CEP192: variants seen among roughly 807,000 people sequenced by gnomAD.
CEP192 encodes centrosomal protein of 192 kDa.
CEP192 carries 151 observed loss-of-function variants against 271.8 expected under a neutral mutation model. The observed-to-expected ratio is 0.56, with a 90% confidence interval of 0.49 to 0.64. The LOEUF is 0.64. Ranked by LOEUF, CEP192 falls within the 30% of genes least tolerant of loss-of-function variation. The probability of loss-of-function intolerance (pLI) is 0.00; values close to 1 mark genes in which losing one functional copy is unlikely to be tolerated. For missense variants in CEP192, 2,910 were observed against 3,020.5 expected, an observed-to-expected ratio of 0.96 and a Z score of 0.86; for synonymous variants, 995 against 1,076.5, an observed-to-expected ratio of 0.92 and a Z score of 1.48.
At chr18:13,025,668 A>G (rs761501748) in intron 9 of CEP192, among the ~76,000 whole-genome samples, 5 of 152,332 alleles carry the variant, frequency 3.3e-5, no homozygotes, top group South Asian at 2.1e-4. Context: ...TTCAGATAAC[A>G]TTACACTGCT....
chr18:13,060,621 T>C (rs1391519142), intron 21 of CEP192, among the ~76,000 whole-genome samples: 3 of 152,212 alleles, frequency 2.0e-5, no homozygotes, highest in Non-Finnish European at 2.9e-5. Context: ...CATGTGACTT[T>C]AATTAAAAAT....
In CEP192 at chr18:13,092,490, C is replaced by CTGAA. The variant is rs770579719; in HGVS notation, c.6218_6219insGAAT (p.Gln2074AsnfsTer8). 6.2e-7 allele frequency: 1 copy of CTGAA among 1,607,940 alleles called. No individual in the cohort carries two copies. The highest frequency in any genetic ancestry group is 1.3e-5 in the African/African-American group (1 of 74,734). On this transcript the variant is annotated frameshift_variant, in exon 34 of 45. Transcript: ENST00000506447. LOFTEE classifies it high-confidence loss of function. ...AGATTGCATTTCTAGCAGAGAATTCCTTCAGCCTTCTTCCAAAGCTAGCTT... is the reference window on the plus strand; with the variant it reads ...AGATTGCATTTCTAGCAGAGAATTCCTGAATTCAGCCTTCTTCCAAAGCTAGCTT...
Position 13,092,460 on chromosome 18 carries a change from T to A in CEP192, c.6187T>A (p.Phe2063Ile). Residue 2063 changes from phenylalanine to isoleucine, a missense_variant, in exon 34 of 45, where the codon TTC (phenylalanine) becomes ATC (isoleucine). By Grantham distance (21) the Phe-to-Ile change is conservative (BLOSUM62 0). Transcript: ENST00000506447. ...CKIILSVIGE[F>I]RDCISSREFL... ...AATTATACTTTCAGTAATTGGAGAA[T>A]TCAGAGATTGCATTTCTAGCAGAGA... 3.1e-6 allele frequency: 5 copies of A among 1,608,992 alleles called. No individual in the cohort carries two copies. The highest frequency in any genetic ancestry group is 4.3e-6 in the Non-Finnish European group (5 of 1,176,374).
chr18:13,095,789 G>A, intron 35 of CEP192, 108 bp downstream of exon 35: 1 of 944,854 alleles, frequency 1.1e-6, no homozygotes, highest in Non-Finnish European at 1.6e-6. Flanking sequence ...TGCACATTGA[G>A]CTGTGACTTG....
In CEP192 at chr18:13,029,693, A is replaced by T. The variant is rs1456961018; in HGVS notation, c.1081A>T (p.Thr361Ser). ...TGCAAGTAAAGATGTTCTGGTGAAG[A>T]CCCTCAGGGCTATTGATGTGAAACT... is the stretch of plus-strand genomic sequence containing the variant. The part of the protein sequence containing the change: ...ECASKDVLVK[T>S]LRAIDVKLNS... The change falls in exon 10 of 45, where the codon ACC (threonine) becomes TCC (serine). Residue 361 changes from threonine to serine, a missense_variant. Coordinates refer to ENST00000506447, the MANE Select transcript of CEP192 (RefSeq NM_032142.4). 1 of 1,532,594 alleles carries T rather than the reference A, an allele frequency of 6.5e-7. No individual in the cohort carries two copies. Among genetic ancestry groups the T allele is most frequent in the Non-Finnish European group, 8.8e-7 (1 of 1,135,278 alleles). 94.9% of individuals were successfully genotyped at this position (1,532,594 alleles called of 1,614,324 possible).
chr18:13,067,900 C>G lies in CEP192; in HGVS notation c.4558C>G (p.Leu1520Val), dbSNP rs759376925. 6.8e-6 allele frequency: 11 copies of G among 1,613,050 alleles called. No individual in the cohort carries two copies. Among genetic ancestry groups the G allele is most frequent in the Non-Finnish European group, 9.3e-6 (11 of 1,179,154 alleles). ...TTATGGAGGCTGGAAAGCCCTCCCACTAAAATTGATAAACCGAACGCATGC... is the reference window on the plus strand; with the variant it reads ...TTATGGAGGCTGGAAAGCCCTCCCAGTAAAATTGATAAACCGAACGCATGC... Reference protein sequence around the residue: ...LTYGGWKALPLKLINRTHATV... With the variant: ...LTYGGWKALPVKLINRTHATV... The change falls in exon 22 of 45, where the codon CTA (leucine) becomes GTA (valine). Residue 1520 changes from leucine (L) to valine (V), a missense_variant. Coordinates refer to ENST00000506447, the MANE Select transcript of CEP192 (RefSeq NM_032142.4).
chr18:13,116,567 T>C, intron 43 of CEP192, 64 bp downstream of exon 43: 1 of 1,423,406 alleles, frequency 7.0e-7, no homozygotes, highest in East Asian at 2.4e-5. Context: ...ATAACAAACA[T>C]TTTCCTGATG....
At chr18:13,091,247 C>T (rs939679945) in intron 33 of CEP192, among the ~76,000 whole-genome samples, 2 of 152,154 alleles carry the variant, frequency 1.3e-5, no homozygotes, top group African/African-American at 2.4e-5. Context: ...ATTAAGTACA[C>T]ATATTGTATT....
At chr18:13,093,861 G>A (rs898618044) in intron 34 of CEP192, among the ~76,000 whole-genome samples, 12 of 152,208 alleles carry the variant, frequency 7.9e-5, no homozygotes, top group Non-Finnish European at 1.2e-4. Flanking sequence ...GGACATTAGT[G>A]TGTGTGCTAG....
intron 35 of CEP192, 68 bp from the exon 36 acceptor site, chr18:13,096,116 A>T: frequency 6.6e-7 from 1 of 1,510,124 alleles, no homozygotes; most frequent in Non-Finnish European, 9.1e-7. Flanking sequence ...CTGGTTTATT[A>T]GTTGTTAATA....
At chr18:13,074,714 C>A (rs1447507216) in intron 30 of CEP192, among the ~76,000 whole-genome samples, 1 of 152,132 alleles carries the variant, frequency 6.6e-6, no homozygotes, top group Admixed American at 6.5e-5. Context: ...ATAAATATGG[C>A]TATTATTTCA....
chr18:13,108,271 A>G (rs1314261661), intron 40 of CEP192, among the ~76,000 whole-genome samples: 3 of 152,242 alleles, frequency 2.0e-5, no homozygotes, highest in Non-Finnish European at 4.4e-5. Context: ...TCTCCAAAGC[A>G]ATTGTAATAA....
intron 4 of CEP192, among the ~76,000 whole-genome samples, chr18:13,011,389 A>G (rs1314926143): frequency 6.6e-6 from 1 of 152,190 alleles, no homozygotes; most frequent in Non-Finnish European, 1.5e-5. Flanking sequence ...AAAGTGGCAT[A>G]GCCACTTTGG....
chr18:12,995,312 C>T (rs1469999636), intron 1 of CEP192, among the ~76,000 whole-genome samples: 1 of 152,042 alleles, frequency 6.6e-6, no homozygotes, highest in Non-Finnish European at 1.5e-5. Context: ...GATCCGCCCG[C>T]CTCGGCCTCC....
rs753083182 is a variant in CEP192 at position 13,087,223 on chromosome 18, T to A, written c.5823T>A (p.Pro1941=). 1 of 1,613,152 alleles carries A rather than the reference T, an allele frequency of 6.2e-7. No individual in the cohort carries two copies. Among genetic ancestry groups the A allele is most frequent in the Non-Finnish European group, 8.5e-7 (1 of 1,179,160 alleles). Residue 1941 remains proline, a synonymous_variant, in exon 31 of 45, where the codon CCT becomes CCA. Transcript: ENST00000506447. The part of the protein sequence containing the change: ...KDSQKKVLLD[P]KVLRIFPDKF... The stretch of plus-strand genomic sequence containing the variant: ...CTCAGAAAAAAGTTTTGCTGGATCC[T>A]AAAGTATTGAGGATTTTTCCAGATA...
intron 3 of CEP192, among the ~76,000 whole-genome samples, chr18:13,007,968 G>A (rs2034086594): frequency 6.6e-6 from 1 of 152,190 alleles, no homozygotes; most frequent in Non-Finnish European, 1.5e-5. Context: ...AACATTGCCT[G>A]TAAGAAAAAT....
rs368502727 is a variant in CEP192, at chr18:13,099,493, T to C, written c.6575T>C (p.Leu2192Pro). 6.3e-7 allele frequency: 1 copy of C among 1,579,368 alleles called. No homozygotes were observed. The part of the protein sequence containing the change: ...CVAPESKLQI[L>P]VSPNSSLSTK... ...TTTTAAAGGAGTAAACTACAAATTC[T>C]TGTGAGTCCTAATTCCTCCTTATCC... Residue 2192 changes from leucine (L) to proline (P), a missense_variant, in exon 37 of 45, where the codon CTT (leucine) becomes CCT (proline). Leu to Pro is a moderately conservative substitution (Grantham distance 98). Coordinates refer to ENST00000506447, the MANE Select transcript of CEP192 (RefSeq NM_032142.4).
intron 32 of CEP192, among the ~76,000 whole-genome samples, chr18:13,087,891 C>T (rs1037113037): frequency 2.0e-5 from 3 of 152,200 alleles, no homozygotes; most frequent in Non-Finnish European, 4.4e-5. Context: ...TATTGTGCCA[C>T]TCTTCCCTTA....
chr18:13,071,492 C>T (rs2038011821), intron 28 of CEP192, among the ~76,000 whole-genome samples: 1 of 152,184 alleles, frequency 6.6e-6, no homozygotes, highest in Non-Finnish European at 1.5e-5. Flanking sequence ...CAAAAGCCAG[C>T]TGAGAGAGAG....
Sources: gnomAD v4.1 joint callset for allele counts (sites outside exome capture counted in the v4.1 genomes callset) on GRCh38, gnomAD v4.1.1 for gene constraint, MANE v1.5 for transcripts, NCBI Gene and HGNC (gene_info 2026-07-23, HGNC 2026-07-21) for gene names.